The following NELL2 variants were observed in gnomAD, a reference collection of about 807,000 sequenced individuals.
The protein encoded by NELL2 is protein kinase C-binding protein NELL2.
In NELL2, 41 loss-of-function variants were observed where a neutral mutation model predicts 109.6. The ratio of observed to expected loss-of-function variants is 0.37; its 90% CI spans 0.29 to 0.49. The LOEUF (loss-of-function observed/expected upper bound fraction) is 0.49, where lower values mean the gene tolerates loss of function less well. Among genes scored for constraint, NELL2 ranks in the 20% least tolerant of loss-of-function variants. The pLI is 0.98. For synonymous variants in NELL2, 355 were observed against 344.7 expected (o/e 1.03, Z -0.33); for missense variants, 900 against 1,008.3 (o/e 0.89, Z 1.45).
intron 13 of NELL2, among the ~76,000 whole-genome samples, chr12:44,646,672 A>C (rs1191158271): frequency 6.6e-6 from 1 of 152,212 alleles, no homozygotes; most frequent in Non-Finnish European, 1.5e-5. Flanking sequence ...ATGGAAAGCG[A>C]AACTGTAGAT....
At chr12:44,703,061 G>A (rs1937646886) in intron 12 of NELL2, among the ~76,000 whole-genome samples, 1 of 152,088 alleles carries the variant, frequency 6.6e-6, no homozygotes, top group Non-Finnish European at 1.5e-5. Flanking sequence ...CAATTAACAG[G>A]AATGATTCAA....
chr12:44,849,538 A>G (rs1269558744), intron 2 of NELL2, among the ~76,000 whole-genome samples: 1 of 152,230 alleles, frequency 6.6e-6, no homozygotes. Context: ...ATACATTTCT[A>G]TATGAGTATT....
chr12:44,674,411 C>T (rs566268678), intron 12 of NELL2, among the ~76,000 whole-genome samples: 3 of 152,138 alleles, frequency 2.0e-5, no homozygotes, highest in South Asian at 2.1e-4. Context: ...GAAAATATAA[C>T]GGTGTGGCAG....
At chr12:44,691,448 G>A (rs1224120006) in intron 12 of NELL2, among the ~76,000 whole-genome samples, 1 of 151,950 alleles carries the variant, frequency 6.6e-6, no homozygotes, top group African/African-American at 2.4e-5. Context: ...TTCCCATCTC[G>A]CCCCCTTTCC....
chr12:44,511,861 C>T (rs564074709), intron 19 of NELL2, among the ~76,000 whole-genome samples: 1 of 152,098 alleles, frequency 6.6e-6, no homozygotes, highest in South Asian at 2.1e-4. Context: ...AGTATTAATA[C>T]CTGCAACTAT....
chr12:44,665,202 T>G (rs574369523), intron 13 of NELL2, among the ~76,000 whole-genome samples: 28 of 152,240 alleles, frequency 1.8e-4, no homozygotes, highest in African/African-American at 6.3e-4. Flanking sequence ...GACCATAGTA[T>G]TTCACACAAA....
chr12:44,511,130 T>C (rs1940984730), intron 19 of NELL2, among the ~76,000 whole-genome samples: 1 of 152,204 alleles, frequency 6.6e-6, no homozygotes, highest in African/African-American at 2.4e-5. Context: ...TTTTCTAAAA[T>C]CTTCCAGGAG....
intron 1 of NELL2, among the ~76,000 whole-genome samples, chr12:44,885,955 A>G (rs1311422134): frequency 6.6e-6 from 1 of 151,802 alleles, no homozygotes. Context: ...GGAATAAAGT[A>G]AAGAGCATAG....
At position 44,798,946 on chromosome 12, in the gene NELL2, CTTTTTTTTTTTT is replaced by C. The variant is rs1157006162; in HGVS notation, c.335+17028_335+17039del. Among the ~76,000 whole-genome samples the C allele has an allele frequency of 1.1e-3, 85 of 77,450 alleles. 1 individual carries two copies. The highest frequency in any genetic ancestry group is 3.0e-3 in the South Asian group (6 of 1,972). 50.8% of individuals were successfully genotyped at this position (77,450 alleles called of 152,430 possible). On this transcript the variant is annotated intron_variant, in intron 3 of 19. Coordinates refer to ENST00000429094, the MANE Select transcript of NELL2 (RefSeq NM_001145108.2). Reference sequence around the variant, plus strand: ...AAAAGAACTTTGCAAATGATTTCCACTTTTTTTTTTTTTTTTTTTTTTTTTTTTTTGAGACAG... The same window carrying C: ...AAAAGAACTTTGCAAATGATTTCCACTTTTTTTTTTTTTTTTTTGAGACAG...
At chr12:44,665,343 C>A (rs1947885619) in intron 13 of NELL2, 141 bp downstream of exon 13, 1 of 644,616 alleles carries the variant, frequency 1.6e-6, no homozygotes, top group Non-Finnish European at 2.4e-6. Context: ...TAAGAAATAA[C>A]TACCAAATCA....
At chr12:44,540,781 C>CAAAAAAAAAAAAAAAAAA (rs57205620) in intron 15 of NELL2, among the ~76,000 whole-genome samples, 577 of 49,680 alleles carry the variant, frequency 0.012, 167 homozygotes, top group East Asian at 0.035. Context: ...GTCTGCAAGC[C>CAAAAAAAAAAAAAAAAAA]AAAAAAAAAA....
chr12:44,822,097 C>A (rs1268490766), intron 2 of NELL2, among the ~76,000 whole-genome samples: 1 of 151,992 alleles, frequency 6.6e-6, no homozygotes, highest in Non-Finnish European at 1.5e-5. Context: ...ATTAAGCAAT[C>A]TTTCAACAAG....
chr12:44,585,014 AAATC>A (rs752425602), intron 15 of NELL2, among the ~76,000 whole-genome samples: 1 of 152,204 alleles, frequency 6.6e-6, no homozygotes, highest in Non-Finnish European at 1.5e-5. Flanking sequence ...AACAGTCTTG[AAATC>A]CAGCACAATT....
At chr12:44,807,862 G>A (rs915689841) in intron 3 of NELL2, among the ~76,000 whole-genome samples, 9 of 152,008 alleles carry the variant, frequency 5.9e-5, no homozygotes, top group African/African-American at 2.2e-4. Flanking sequence ...AACACAGTTT[G>A]CTTGCTCCTT....
chr12:44,785,374 A>C (rs1942123858), intron 3 of NELL2, among the ~76,000 whole-genome samples: 1 of 152,222 alleles, frequency 6.6e-6, no homozygotes, highest in East Asian at 1.9e-4. Flanking sequence ...GCTGGAAATA[A>C]GAGAGGACAC....
At chr12:44,561,289 C>T (rs1943458705) in intron 15 of NELL2, among the ~76,000 whole-genome samples, 1 of 152,236 alleles carries the variant, frequency 6.6e-6, no homozygotes, top group African/African-American at 2.4e-5. Flanking sequence ...TGCCCTCTCT[C>T]ACCATTCCTA....
At chr12:44,595,751 G>C (rs1944937725) in intron 15 of NELL2, among the ~76,000 whole-genome samples, 1 of 151,902 alleles carries the variant, frequency 6.6e-6, no homozygotes, top group African/African-American at 2.4e-5. Context: ...CCTTTAACTT[G>C]TTTTTTAAGG....
At chr12:44,715,178 G>C (rs917766095) in intron 9 of NELL2, among the ~76,000 whole-genome samples, 2 of 150,982 alleles carry the variant, frequency 1.3e-5, no homozygotes, top group Non-Finnish European at 3.0e-5. Context: ...CATTATAATA[G>C]AAAGAAGGTA....
At chr12:44,618,612 T>G (rs1049528020) in intron 13 of NELL2, among the ~76,000 whole-genome samples, 5 of 152,218 alleles carry the variant, frequency 3.3e-5, no homozygotes, top group African/African-American at 1.2e-4. Flanking sequence ...AACATATGAT[T>G]TTAAGGTTTC....
Sources: allele counts gnomAD v4.1 joint callset (sites outside exome capture counted in the v4.1 genomes callset), GRCh38; gene constraint gnomAD v4.1.1; transcripts MANE v1.5; gene names NCBI Gene and HGNC (gene_info 2026-07-23, HGNC 2026-07-21).